CAB39L: variants seen among roughly 807,000 people sequenced by gnomAD.
CAB39L encodes calcium binding protein 39 like.
CAB39L carries 23 observed loss-of-function variants against 39.1 expected under a neutral mutation model. That is an observed-to-expected ratio of 0.59 (90% CI 0.42 to 0.83). The LOEUF (loss-of-function observed/expected upper bound fraction) is 0.83. CAB39L is among the 40% of genes least tolerant of loss of function. The pLI, the probability that CAB39L is intolerant of heterozygous loss-of-function variation, is 0.00. For synonymous variants in CAB39L, 126 were observed against 137.2 expected (o/e 0.92, Z 0.57); for missense variants, 366 against 391.9 (o/e 0.93, Z 0.56).
intron 5 of CAB39L, among the ~76,000 whole-genome samples, chr13:49,369,590 A>AT (rs34632855): frequency 0.41 from 60,468 of 146,686 alleles, 12,970 homozygotes; most frequent in Middle Eastern, 0.53. Context: ...GGCAAAGGAG[A>AT]TTTTTTTTTT....
At chr13:49,409,982 A>G (rs1956956846) in intron 3 of CAB39L, among the ~76,000 whole-genome samples, 1 of 152,160 alleles carries the variant, frequency 6.6e-6, no homozygotes, top group Non-Finnish European at 1.5e-5. Context: ...TGTACACCAA[A>G]TCCTAAGTTT....
At chr13:49,341,993 C>T (rs1408589522) in intron 8 of CAB39L, among the ~76,000 whole-genome samples, 1 of 151,946 alleles carries the variant, frequency 6.6e-6, no homozygotes, top group Non-Finnish European at 1.5e-5. Flanking sequence ...AATTATATTG[C>T]TAATTCCTAA....
chr13:49,400,481 G>GT (rs1425951268), intron 3 of CAB39L, among the ~76,000 whole-genome samples: 3 of 145,712 alleles, frequency 2.1e-5, no homozygotes, highest in Admixed American at 1.4e-4. Context: ...CACACACATG[G>GT]TTATATTAGC....
At chr13:49,337,425 A>G (rs949219036) in intron 9 of CAB39L, among the ~76,000 whole-genome samples, 5 of 152,112 alleles carry the variant, frequency 3.3e-5, no homozygotes, top group African/African-American at 1.2e-4. Context: ...ACTCCAGCCC[A>G]CATCTCCCTC....
At chr13:49,355,488 G>T (rs1955460052) in intron 6 of CAB39L, among the ~76,000 whole-genome samples, 2 of 152,054 alleles carry the variant, frequency 1.3e-5, no homozygotes. Context: ...TAGTCTCTAA[G>T]AACCATTTCT....
chr13:49,327,865 T>A (rs1398645784), intron 10 of CAB39L, among the ~76,000 whole-genome samples: 1 of 152,208 alleles, frequency 6.6e-6, no homozygotes, highest in Non-Finnish European at 1.5e-5. Context: ...TTTTAAACAA[T>A]GTTGCAATAA....
intron 5 of CAB39L, among the ~76,000 whole-genome samples, chr13:49,366,470 TA>T (rs1199990900): frequency 6.7e-6 from 1 of 149,946 alleles, no homozygotes; most frequent in Admixed American, 6.6e-5. Context: ...CTACTAAAAA[TA>T]CAAAAATTAG....
intron 1 of CAB39L, among the ~76,000 whole-genome samples, chr13:49,437,628 C>T (rs958016785): frequency 2.6e-5 from 4 of 152,174 alleles, no homozygotes; most frequent in African/African-American, 9.7e-5. Context: ...TGCCACTTCT[C>T]CATGGATTCT....
At chr13:49,440,538 TA>T (rs1957493643) in intron 1 of CAB39L, among the ~76,000 whole-genome samples, 1 of 151,966 alleles carries the variant, frequency 6.6e-6, no homozygotes, top group Non-Finnish European at 1.5e-5. Flanking sequence ...ACACATTCAG[TA>T]GCACTGAATG....
intron 3 of CAB39L, among the ~76,000 whole-genome samples, chr13:49,394,095 G>T (rs1956550187): frequency 6.6e-6 from 1 of 151,692 alleles, no homozygotes; most frequent in Non-Finnish European, 1.5e-5. Context: ...ACAAAAATTT[G>T]AATTTCTATA....
At chr13:49,424,156 A>G (rs1957212365) in intron 3 of CAB39L, among the ~76,000 whole-genome samples, 1 of 152,210 alleles carries the variant, frequency 6.6e-6, no homozygotes, top group Admixed American at 6.5e-5. Context: ...TTCTTTCCAG[A>G]GAGCAGCATG....
At chr13:49,384,333 G>C (rs1350221965) in intron 3 of CAB39L, among the ~76,000 whole-genome samples, 1 of 152,074 alleles carries the variant, frequency 6.6e-6, no homozygotes, top group Non-Finnish European at 1.5e-5. Context: ...CTTAATTCTT[G>C]TTCCCTTGTT....
intron 7 of CAB39L, 132 bp downstream of exon 7, chr13:49,350,612 T>C: frequency 3.3e-6 from 2 of 598,582 alleles, no homozygotes; most frequent in South Asian, 2.7e-5. Flanking sequence ...ATTCCTCTTA[T>C]GATCCACATC....
chr13:49,387,814 C>T (rs1408779724), intron 3 of CAB39L, among the ~76,000 whole-genome samples: 1 of 152,120 alleles, frequency 6.6e-6, no homozygotes, highest in African/African-American at 2.4e-5. Flanking sequence ...CATATATGCA[C>T]ATATAAATAC....
At chr13:49,403,169 T>C (rs17072867) in intron 3 of CAB39L, among the ~76,000 whole-genome samples, 6,139 of 152,202 alleles carry the variant, frequency 0.04, 245 homozygotes, top group African/African-American at 0.095. Flanking sequence ...TCCTATTAAA[T>C]ACCATTCCAT....
intron 6 of CAB39L, among the ~76,000 whole-genome samples, chr13:49,353,181 C>T (rs1445394617): frequency 6.6e-6 from 1 of 152,092 alleles, no homozygotes; most frequent in Non-Finnish European, 1.5e-5. Context: ...TAAGGAATGC[C>T]AATTTATAGT....
intron 7 of CAB39L, among the ~76,000 whole-genome samples, chr13:49,346,280 A>T (rs1955172935): frequency 6.7e-6 from 1 of 148,214 alleles, no homozygotes; most frequent in South Asian, 2.1e-4. Context: ...AGGCTTATGT[A>T]CACATAATAC....
At chr13:49,344,343 T>C (rs1955085679) in intron 7 of CAB39L, 105 bp from the exon 8 acceptor site, 1 of 654,900 alleles carries the variant, frequency 1.5e-6, no homozygotes, top group Non-Finnish European at 2.6e-6. Flanking sequence ...GAAGAACATT[T>C]TCATTTGCGC....
At chr13:49,443,685 G>A (rs1297633980) in intron 1 of CAB39L, among the ~76,000 whole-genome samples, 2 of 151,918 alleles carry the variant, frequency 1.3e-5, no homozygotes, top group African/African-American at 2.4e-5. Context: ...GGCATCAAAG[G>A]CCCCGCCCAG....
Sources: allele counts gnomAD v4.1 joint callset (sites outside exome capture counted in the v4.1 genomes callset), GRCh38; gene constraint gnomAD v4.1.1; transcripts MANE v1.5; gene names NCBI Gene and HGNC (gene_info 2026-07-23, HGNC 2026-07-21).